The following EIF4E3 variants were observed in gnomAD, a reference collection of about 807,000 sequenced individuals.
EIF4E3 encodes the protein eukaryotic translation initiation factor 4E type 3.
A neutral mutation model predicts 31.7 loss-of-function variants in EIF4E3; 26 were observed. The ratio of observed to expected loss-of-function variants is 0.82; its 90% confidence interval spans 0.60 to 1.14. The LOEUF is 1.14. Ranked by LOEUF, EIF4E3 falls within the 50% of genes most tolerant of loss-of-function variation. EIF4E3 has a pLI of 0.00. For synonymous variants in EIF4E3, 128 were observed against 107.7 expected (o/e 1.19, Z -1.17); for missense variants, 304 against 270.9 (o/e 1.12, Z -0.86).
At chr3:71,727,755 AT>A (rs1317190391), upstream of EIF4E3, among the ~76,000 whole-genome samples, 41 of 152,258 alleles carry the variant, frequency 2.7e-4, no homozygotes, top group Admixed American at 1.3e-4. Context: ...ATTCCAAGGC[AT>A]GGGTAGAAAG....
chr3:71,668,165 AT>A, the EIF4E3 span, among the ~76,000 whole-genome samples: 2 of 152,242 alleles, frequency 1.3e-5, no homozygotes, highest in African/African-American at 4.8e-5. Flanking sequence ...ATGATTCTCT[AT>A]TTAATAAATA....
chr3:71,662,639 C>T, the EIF4E3 span, among the ~76,000 whole-genome samples: 4 of 152,192 alleles, frequency 2.6e-5, no homozygotes, highest in Non-Finnish European at 4.4e-5. Context: ...TTTTAATTTC[C>T]GGTGGTGCCA....
chr3:71,674,109 TTTTTTTTTTTTTTTTG>T (rs2048860582), downstream of EIF4E3, among the ~76,000 whole-genome samples: 1 of 118,354 alleles, frequency 8.4e-6, no homozygotes, highest in Non-Finnish European at 1.7e-5. Context: ...TTTTTTTTTT[TTTTTTTTTTTTTTTTG>T]AGACAGCGCC....
chr3:71,717,387 T>C (rs895848649), intron 1 of EIF4E3, among the ~76,000 whole-genome samples: 35 of 152,354 alleles, frequency 2.3e-4, no homozygotes, highest in Middle Eastern at 3.4e-3. Context: ...ACAAGCGCAT[T>C]TGTCATCACC....
At chr3:71,703,811 CAAAAAAA>C (rs370789059) in intron 2 of EIF4E3, among the ~76,000 whole-genome samples, 9 of 72,426 alleles carry the variant, frequency 1.2e-4, no homozygotes, top group South Asian at 1.1e-3. Flanking sequence ...AAACACACAT[CAAAAAAA>C]AAAAAAAAAA....
chr3:71,661,197 A>G, the EIF4E3 span, among the ~76,000 whole-genome samples: 1 of 148,990 alleles, frequency 6.7e-6, no homozygotes, highest in Non-Finnish European at 1.5e-5. Flanking sequence ...AAGTTATCCA[A>G]TTAATCTTTG....
chr3:71,693,989 T>C, intron 4 of EIF4E3, 48 bp from the exon 5 acceptor site: 1 of 1,485,964 alleles, frequency 6.7e-7, no homozygotes, highest in Admixed American at 2.4e-5. Flanking sequence ...ATACAGATAT[T>C]TTTAGACAAT....
intron 1 of EIF4E3, among the ~76,000 whole-genome samples, chr3:71,722,426 G>GA (rs1197062816): frequency 6.6e-6 from 1 of 152,156 alleles, no homozygotes; most frequent in Non-Finnish European, 1.5e-5. Flanking sequence ...AGTCTTGTGG[G>GA]AAAAAACTCA....
chr3:71,746,936 A>C (rs975125634), intron 1 of EIF4E3, among the ~76,000 whole-genome samples: 4 of 152,254 alleles, frequency 2.6e-5, no homozygotes, highest in African/African-American at 7.2e-5. Flanking sequence ...TTCAAGGTTC[A>C]TCCACGCTGG....
chr3:71,752,344 G>T (rs2049938202), intron 1 of EIF4E3, among the ~76,000 whole-genome samples: 1 of 152,142 alleles, frequency 6.6e-6, no homozygotes, highest in Non-Finnish European at 1.5e-5. Flanking sequence ...CCTCAACACT[G>T]CTGCCAGAAT....
At chr3:71,709,035 C>T (rs2049336338) in intron 2 of EIF4E3, among the ~76,000 whole-genome samples, 1 of 152,058 alleles carries the variant, frequency 6.6e-6, no homozygotes, top group African/African-American at 2.4e-5. Flanking sequence ...ATTCCTGGGA[C>T]TTCATAATTA....
chr3:71,734,692 A>G (rs1323449459), intron 1 of EIF4E3, among the ~76,000 whole-genome samples: 2 of 152,174 alleles, frequency 1.3e-5, no homozygotes, highest in Non-Finnish European at 1.5e-5. Context: ...GAAAAAAACA[A>G]GCCAACTGAT....
intron 6 of EIF4E3, among the ~76,000 whole-genome samples, chr3:71,687,654 G>C (rs1219644647): frequency 6.6e-6 from 1 of 152,186 alleles, no homozygotes; most frequent in African/African-American, 2.4e-5. Flanking sequence ...GGGCTGGTCA[G>C]TGAGTGGAGT....
At chr3:71,722,236 T>C (rs2049562710) in intron 1 of EIF4E3, among the ~76,000 whole-genome samples, 1 of 152,172 alleles carries the variant, frequency 6.6e-6, no homozygotes, top group Non-Finnish European at 1.5e-5. Flanking sequence ...GAGGAGGTAG[T>C]TCAGTATATG....
At chr3:71,721,660 T>C (rs2049551512) in intron 1 of EIF4E3, among the ~76,000 whole-genome samples, 1 of 152,206 alleles carries the variant, frequency 6.6e-6, no homozygotes. Flanking sequence ...ACTCACTTGG[T>C]ACTGCTGCCC....
rs536032652 is a variant in EIF4E3 at position 71,700,557 on chromosome 3, T to G, written c.250-849A>C. On this transcript the variant is annotated intron_variant, in intron 2 of 6. Transcript: ENST00000425534. ...TGAACCTGGGAGGCGGAGGTTGCAGTGAGCCGAGATCACACCATTGCACTC... is the reference window on the plus strand; with the variant it reads ...TGAACCTGGGAGGCGGAGGTTGCAGGGAGCCGAGATCACACCATTGCACTC... Among the ~76,000 whole-genome samples, 4 of 142,130 alleles carry G rather than the reference T, an allele frequency of 2.8e-5. No homozygotes were observed. In the East Asian group the frequency reaches 8.2e-4, roughly 29 times the overall value. 93.2% of individuals were successfully genotyped at this position (142,130 alleles called of 152,430 possible).
In EIF4E3 at chr3:71,682,003, TG is replaced by T. The variant is rs1559584903; in HGVS notation, c.*2678del. 6.6e-6 allele frequency: 1 copy of T among 152,126 alleles called. No homozygotes were observed. The highest frequency in any genetic ancestry group is 1.5e-5 in the Non-Finnish European group (1 of 68,018). The allele number at this position is 152,126 out of a possible 1,614,324, so 9.4% of individuals were successfully genotyped here. Reference sequence around the variant, plus strand: ...CCTCATTTAAGAAATGTGGAAAAGTTGGGGGGAAAGAGGAAATCTTAAAACT... The same window carrying T: ...CCTCATTTAAGAAATGTGGAAAAGTTGGGGGAAAGAGGAAATCTTAAAACT... On this transcript the variant is annotated 3_prime_UTR_variant, in exon 7 of 7. Transcript: ENST00000425534.
chr3:71,693,157 A>G (rs2049086905), intron 5 of EIF4E3, among the ~76,000 whole-genome samples: 1 of 152,254 alleles, frequency 6.6e-6, no homozygotes, highest in South Asian at 2.1e-4. Flanking sequence ...GAACTACCCC[A>G]AAAGAAAACA....
At chr3:71,691,306 G>A (rs2049060139) in intron 5 of EIF4E3, among the ~76,000 whole-genome samples, 1 of 152,130 alleles carries the variant, frequency 6.6e-6, no homozygotes, top group African/African-American at 2.4e-5. Context: ...AAACATTTTA[G>A]TATTAGGATA....
Sources: gnomAD v4.1 joint callset for allele counts (sites outside exome capture counted in the v4.1 genomes callset) on GRCh38, gnomAD v4.1.1 for gene constraint, MANE v1.5 for transcripts, NCBI Gene and HGNC (gene_info 2026-07-23, HGNC 2026-07-21) for gene names.